RGMA: variants seen among roughly 807,000 people sequenced by gnomAD.
RGMA encodes repulsive guidance molecule A.
In RGMA, 10 loss-of-function variants were observed where a neutral mutation model predicts 23.2. That is an observed-to-expected ratio of 0.43 (90% CI 0.27 to 0.73). The LOEUF (loss-of-function observed/expected upper bound fraction) is 0.73, where lower values mean the gene tolerates loss of function less well. Ranked by LOEUF, RGMA falls within the 30% of genes least tolerant of loss-of-function variation. The pLI, the probability that RGMA is intolerant of heterozygous loss-of-function variation, is 0.20. For missense variants in RGMA, 547 were observed against 630.5 expected (o/e 0.87, Z 1.42); for synonymous variants, 308 against 279.3 (o/e 1.10, Z -1.03).
chr15:93,078,048 C>G (rs1895501046), intron 1 of RGMA, among the ~76,000 whole-genome samples: 1 of 152,142 alleles, frequency 6.6e-6, no homozygotes, highest in Admixed American at 6.5e-5. Flanking sequence ...ATCAGGTGAG[C>G]TTTTTGGGGA....
chr15:93,074,821 G>A (rs1184420682), intron 1 of RGMA, among the ~76,000 whole-genome samples: 1 of 152,238 alleles, frequency 6.6e-6, no homozygotes, highest in Non-Finnish European at 1.5e-5. Context: ...ACTGTGCCAG[G>A]CTGCACAGAG....
At chr15:93,075,027 C>T (rs973764769) in intron 1 of RGMA, among the ~76,000 whole-genome samples, 5 of 151,906 alleles carry the variant, frequency 3.3e-5, no homozygotes, top group East Asian at 1.9e-4. Context: ...CCATGCAGCC[C>T]GCAGAAGCCC....
At chr15:93,056,107 A>G (rs75785663) in intron 2 of RGMA, among the ~76,000 whole-genome samples, 2,311 of 152,236 alleles carry the variant, frequency 0.015, 62 homozygotes, top group African/African-American at 0.053. Flanking sequence ...AATTCTACCA[A>G]GTTCCCAGGA....
intron 3 of RGMA, among the ~76,000 whole-genome samples, chr15:93,047,546 C>T (rs1361244157): frequency 6.7e-6 from 1 of 149,938 alleles, no homozygotes; most frequent in Non-Finnish European, 1.5e-5. Context: ...TAAGCCCCAA[C>T]CCCTCACCCC....
At chr15:93,055,152 G>C (rs979629946) in intron 2 of RGMA, among the ~76,000 whole-genome samples, 1 of 152,152 alleles carries the variant, frequency 6.6e-6, no homozygotes, top group Non-Finnish European at 1.5e-5. Flanking sequence ...GGGTGTCAGA[G>C]AAAATCAACC....
At chr15:93,074,149 G>T in intron 1 of RGMA, 1 of 553,518 alleles carries the variant, frequency 1.8e-6, no homozygotes, top group Non-Finnish European at 2.5e-6. Flanking sequence ...CTGAGCAAGT[G>T]TTCTTAGTCA....
At position 93,045,881 on chromosome 15, in the gene RGMA, T is replaced by G. The variant is rs1158379776; in HGVS notation, c.646-176A>C. ...CACCTGCGCAGCTGTGCACTTCACATTCTTTCAATGAAAACAACTTGCCCT... is the reference window on the plus strand; with the variant it reads ...CACCTGCGCAGCTGTGCACTTCACAGTCTTTCAATGAAAACAACTTGCCCT... On this transcript the variant is annotated intron_variant, in intron 3 of 3. Coordinates refer to ENST00000329082, the MANE Select transcript of RGMA (RefSeq NM_020211.3). This position sits in a 1 kb window ranked among gnomAD's most constrained non-coding sequence, Gnocchi z 6.9. Among the ~76,000 whole-genome samples the G allele has an allele frequency of 2.6e-5, 4 of 152,210 alleles. No homozygotes were observed. The highest frequency in any genetic ancestry group is 5.9e-5 in the Non-Finnish European group (4 of 68,042).
rs1249474198 is a variant in RGMA, at chr15:93,036,840, CT to C, written c.*8157del. On this transcript the variant is annotated 3_prime_UTR_variant, in exon 4 of 4. Transcript: ENST00000329082. ...TTGTAACCTGGAGTGGGTCAGTTGGCTTCTCTTTGCTTCTGTCTGTCCGTCT... is the reference window on the plus strand; with the variant it reads ...TTGTAACCTGGAGTGGGTCAGTTGGCTCTCTTTGCTTCTGTCTGTCCGTCT... The C allele has an allele frequency of 6.6e-5, 10 of 152,348 alleles. No individual in the cohort carries two copies. The highest frequency in any genetic ancestry group is 6.5e-4 in the Admixed American group (10 of 15,286). The allele number at this position is 152,348 out of a possible 1,614,324, so 9.4% of individuals were successfully genotyped here. A position where few individuals can be genotyped will look rare whatever the true frequency, so the allele number is the denominator to read the frequency against.
rs1466118944 is a variant in RGMA, at chr15:93,040,408, A to G, written c.*4590T>C. ...TACTGTCCAGTGACAGTGGCTTCCC[A>G]CCATCCCTTAAACTCCCCCTTTGCT... On this transcript the variant is annotated 3_prime_UTR_variant, in exon 4 of 4. Coordinates refer to ENST00000329082, the MANE Select transcript of RGMA (RefSeq NM_020211.3). 6.6e-6 allele frequency: 1 copy of G among 152,434 alleles called. No individual in the cohort carries two copies. The highest frequency in any genetic ancestry group is 1.5e-5 in the Non-Finnish European group (1 of 68,378). The allele number at this position is 152,434 out of a possible 1,614,324, so 9.4% of individuals were successfully genotyped here. A position where few individuals can be genotyped will look rare whatever the true frequency, so the allele number is the denominator to read the frequency against.
In RGMA at chr15:93,043,397, C is replaced by G. The variant is rs1393001933; in HGVS notation, c.*1601G>C. 1 of 152,508 alleles carries G rather than the reference C, an allele frequency of 6.6e-6. No individual in the cohort carries two copies. Among genetic ancestry groups the G allele is most frequent in the South Asian group, 2.1e-4 (1 of 4,840 alleles). The allele number at this position is 152,508 out of a possible 1,614,324, so 9.4% of individuals were successfully genotyped here. A position where few individuals can be genotyped will look rare whatever the true frequency, so the allele number is the denominator to read the frequency against. On this transcript the variant is annotated 3_prime_UTR_variant, in exon 4 of 4. Coordinates refer to ENST00000329082, the MANE Select transcript of RGMA (RefSeq NM_020211.3). ...CAAAGTCTGTTCAGAAAACAAACTCCAACACGTCTAAAAGAAAATAACAAA... is the reference window on the plus strand; with the variant it reads ...CAAAGTCTGTTCAGAAAACAAACTCGAACACGTCTAAAAGAAAATAACAAA...
At chr15:93,077,089 C>A (rs926550843) in intron 1 of RGMA, among the ~76,000 whole-genome samples, 1 of 152,178 alleles carries the variant, frequency 6.6e-6, no homozygotes, top group East Asian at 1.9e-4. Context: ...GAACACCCAG[C>A]ACGCCAGGAA....
chr15:93,052,319 C>G lies in RGMA; in HGVS notation c.319G>C (p.Glu107Gln). 1.2e-6 allele frequency: 2 copies of G among 1,604,160 alleles called. No individual in the cohort carries two copies. Among genetic ancestry groups the G allele is most frequent in the South Asian group, 2.2e-5 (2 of 90,998 alleles). ...CAGTTGTGCTGGCTCATGAGGTCCT[C>G]TATGCCATGGACGGCCGAGTGGTAG... ...LAYHSAVHGI[E>Q]DLMSQHNCSK... Residue 107 changes from glutamate to glutamine, a missense_variant, in exon 3 of 4, where the codon GAG becomes CAG. Coordinates refer to ENST00000329082, the MANE Select transcript of RGMA (RefSeq NM_020211.3).
At chr15:93,066,630 G>A (rs542334381) in intron 2 of RGMA, 66 of 442,050 alleles carry the variant, frequency 1.5e-4, no homozygotes, top group African/African-American at 1.2e-3. Context: ...CGTCACCACC[G>A]CCGCCGCCTC....
rs892118245 is a variant in RGMA, at chr15:93,041,065, G to T, written c.*3933C>A. 1.3e-5 allele frequency: 2 copies of T among 152,240 alleles called. No individual in the cohort carries two copies. The highest frequency in any genetic ancestry group is 4.8e-5 in the African/African-American group (2 of 41,436). The allele number at this position is 152,240 out of a possible 1,614,324, so 9.4% of individuals were successfully genotyped here. On this transcript the variant is annotated 3_prime_UTR_variant, in exon 4 of 4. Coordinates refer to ENST00000329082, the MANE Select transcript of RGMA (RefSeq NM_020211.3). ...GTGCCACCCCTGCTCCATGCCACTT[G>T]CTGGCACAGCTCTGATGACTGTCTC... is the stretch of plus-strand genomic sequence containing the variant.
At chr15:93,065,373 C>G (rs2141830835) in intron 2 of RGMA, among the ~76,000 whole-genome samples, 1 of 151,438 alleles carries the variant, frequency 6.6e-6, no homozygotes, top group Non-Finnish European at 1.5e-5. Flanking sequence ...CAGTAAGCTC[C>G]CTTCCTTCAA....
At position 93,077,409 on chromosome 15, in the gene RGMA, A is replaced by G. The variant is rs1895490009; in HGVS notation, c.15-4378T>C. Among the ~76,000 whole-genome samples, 3 of 152,278 alleles carry G rather than the reference A, an allele frequency of 2.0e-5. No homozygotes were observed. The South Asian group carries it at 6.2e-4, about 32-fold the overall frequency. The stretch of plus-strand genomic sequence containing the variant: ...TGTCTAGGGGAATAGCTGGGTTTGT[A>G]AGTTCTATCAATCTCGGGCCCATGC... On this transcript the variant is annotated intron_variant, in intron 1 of 3. Coordinates refer to ENST00000329082, the MANE Select transcript of RGMA (RefSeq NM_020211.3).
At chr15:93,055,037 AC>A (rs2054991331) in intron 2 of RGMA, among the ~76,000 whole-genome samples, 1 of 151,936 alleles carries the variant, frequency 6.6e-6, no homozygotes, top group Non-Finnish European at 1.5e-5. Context: ...ACAGGAACTG[AC>A]TGGCGCGGTG....
At chr15:93,071,257 C>T (rs1162852842) in intron 2 of RGMA, among the ~76,000 whole-genome samples, 1 of 152,110 alleles carries the variant, frequency 6.6e-6, no homozygotes. Flanking sequence ...ACGTTGACTT[C>T]TTCTTAAATA....
At chr15:93,076,457 T>TATTC (rs1378080331) in intron 1 of RGMA, among the ~76,000 whole-genome samples, 1 of 152,058 alleles carries the variant, frequency 6.6e-6, no homozygotes, top group Non-Finnish European at 1.5e-5. Context: ...AACAAATATA[T>TATTC]ATTCAGGACC....
Sources: allele counts gnomAD v4.1 joint callset (sites outside exome capture counted in the v4.1 genomes callset), GRCh38; gene constraint gnomAD v4.1.1; non-coding constraint Gnocchi (gnomAD v3.1); transcripts MANE v1.5; gene names NCBI Gene and HGNC (gene_info 2026-07-23, HGNC 2026-07-21).